Variants in SBDS observed in about 807,000 individuals in gnomAD.
SBDS encodes the protein ribosome maturation protein SBDS.
In SBDS, 20 loss-of-function variants were observed where a neutral mutation model predicts 26.4. The observed-to-expected ratio is 0.76, with a 90% CI of 0.53 to 1.10. The LOEUF (loss-of-function observed/expected upper bound fraction) is 1.10. Ranked by LOEUF, SBDS falls within the 50% of genes least tolerant of loss-of-function variation. The pLI is 0.00. For missense variants in SBDS, 241 were observed against 302.0 expected (o/e 0.80, Z 1.50); for synonymous variants, 95 against 105.1 (o/e 0.90, Z 0.59).
chr7:66,990,918 G>A, intron 4 of SBDS: 1 of 414,706 alleles, frequency 2.4e-6, no homozygotes, highest in Non-Finnish European at 4.4e-6. Context: ...ACAGGAGGCT[G>A]AGGCAGGAGA....
intron 4 of SBDS, among the ~76,000 whole-genome samples, chr7:66,990,862 G>A (rs1584435308): frequency 6.6e-6 from 1 of 151,686 alleles, no homozygotes; most frequent in Non-Finnish European, 1.5e-5. Flanking sequence ...TAAAAAATAC[G>A]AAAAATTAGC....
intron 1 of SBDS, among the ~76,000 whole-genome samples, chr7:66,994,733 T>C (rs1201131739): frequency 6.6e-6 from 1 of 152,202 alleles, no homozygotes; most frequent in Non-Finnish European, 1.5e-5. Flanking sequence ...TCAAGTGAAC[T>C]GCCCGCATCG....
chr7:66,989,419 C>T (rs1792930659), intron 4 of SBDS, among the ~76,000 whole-genome samples: 1 of 151,902 alleles, frequency 6.6e-6, no homozygotes, highest in Admixed American at 6.6e-5. Flanking sequence ...GTGGCACATG[C>T]CTGTAATCCC....
chr7:66,993,501 C>A, intron 2 of SBDS, 84 bp from the exon 3 acceptor site: 4 of 1,072,808 alleles, frequency 3.7e-6, no homozygotes, highest in Non-Finnish European at 4.3e-6. Context: ...AAATGAGTAA[C>A]TGGATGGAGA....
At chr7:66,994,753 A>C (rs1793061278) in intron 1 of SBDS, among the ~76,000 whole-genome samples, 1 of 152,220 alleles carries the variant, frequency 6.6e-6, no homozygotes, top group Non-Finnish European at 1.5e-5. Context: ...GGCCTGAGGG[A>C]ACATTTTCAA....
rs779643367 is a variant in SBDS at position 66,993,332 on chromosome 7, A to G, written c.344T>C (p.Val115Ala). ...EQMFRDIATI[V>A]ADKCVNPETK... ...TTCAGGATTCACACATTTGTCTGCC[A>G]CAATAGTTGCAATGTCCCTAAACAT... is the stretch of plus-strand genomic sequence containing the variant. The change falls in exon 3 of 5, where the codon GTG (valine) becomes GCG (alanine). Residue 115 changes from valine (V) to alanine (A), a missense_variant. By Grantham distance (64) the Val-to-Ala change is moderately conservative. Transcript: ENST00000246868. The G allele has an allele frequency of 6.2e-7, 1 of 1,614,138 alleles. No individual in the cohort carries two copies. Among genetic ancestry groups the G allele is most frequent in the South Asian group, 1.1e-5 (1 of 91,086 alleles).
Position 66,991,163 on chromosome 7 carries a change from C to T in SBDS, c.598G>A (p.Glu200Lys), listed in dbSNP as rs750502064. The T allele has an allele frequency of 6.2e-7, 1 of 1,613,696 alleles. No individual in the cohort carries two copies. The change falls in exon 4 of 5, where the codon GAA becomes AAA. Residue 200 changes from glutamate to lysine, a missense_variant. By Grantham distance (56) the Glu-to-Lys change is moderately conservative (BLOSUM62 1). Coordinates refer to ENST00000246868, the MANE Select transcript of SBDS (RefSeq NM_016038.4). ...LKPLIKVIESEDYGQQLEIVC... is the reference protein window; with the variant it reads ...LKPLIKVIESKDYGQQLEIVC... ...ATTTCTAACTGTTGGCCATAATCTT[C>T]ACTTTCTATGACCTTGATCAGTGGC...
chr7:66,989,948 G>T (rs2023215656), intron 4 of SBDS, among the ~76,000 whole-genome samples: 2 of 151,814 alleles, frequency 1.3e-5, no homozygotes, highest in African/African-American at 4.8e-5. Flanking sequence ...CGACTATCCT[G>T]CATACAACTC....
At chr7:66,992,659 C>G (rs1308116204) in intron 3 of SBDS, among the ~76,000 whole-genome samples, 1 of 151,790 alleles carries the variant, frequency 6.6e-6, no homozygotes, top group Non-Finnish European at 1.5e-5. Context: ...TTCCCCAAAC[C>G]TCTACCCACT....
chr7:66,993,744 GGCA>G, intron 2 of SBDS, among the ~76,000 whole-genome samples: 2 of 151,680 alleles, frequency 1.3e-5, no homozygotes, highest in Non-Finnish European at 2.9e-5. Flanking sequence ...CAGGGTGGTG[GGCA>G]CCTGTAATCC....
chr7:66,995,494 C>T lies in SBDS; in HGVS notation c.-77G>A. On this transcript the variant is annotated 5_prime_UTR_variant, in exon 1 of 5. Transcript: ENST00000246868. ...TCCAGCCTGAAGGCCACCAGCGCCT[C>T]GCGGTAACGACCGATCGGCGCGCGG... 1.2e-6 allele frequency: 2 copies of T among 1,606,570 alleles called. No individual in the cohort carries two copies. The highest frequency in any genetic ancestry group is 1.7e-6 in the Non-Finnish European group (2 of 1,175,802).
Position 66,988,418 on chromosome 7 carries a change from C to A in SBDS, c.706G>T (p.Val236Leu). Residue 236 changes from valine to leucine, a missense_variant, in exon 5 of 5, where the codon GTA becomes TTA. Coordinates refer to ENST00000246868, the MANE Select transcript of SBDS (RefSeq NM_016038.4). ...KETKGKGSLE[V>L]LNLKDVEEGD... ...TCTTCTACATCTTTCAGATTGAGTA[C>A]TTCCAAAGAACCTTTGCCTTTAGTT... 2 of 1,613,858 alleles carry A rather than the reference C, an allele frequency of 1.2e-6. No individual in the cohort carries two copies. The highest frequency in any genetic ancestry group is 1.7e-6 in the Non-Finnish European group (2 of 1,179,982).
In SBDS at chr7:66,994,501, A is replaced by AC. The variant is rs1380209169; in HGVS notation, c.129-161dup. 6 of 615,240 alleles carry AC rather than the reference A, an allele frequency of 9.8e-6. No individual in the cohort carries two copies. In the East Asian group the frequency reaches 2.2e-4, roughly 22 times the overall value. The allele number at this position is 615,240 out of a possible 1,614,324, so 38.1% of individuals were successfully genotyped here. The stretch of plus-strand genomic sequence containing the variant: ...GCAGTTTTCTTTTTCTTACCCCCCA[A>AC]CCCCCGCCCCTAGATGGAATTTCAC... On this transcript the variant is annotated intron_variant, in intron 1 of 4. Coordinates refer to ENST00000246868, the MANE Select transcript of SBDS (RefSeq NM_016038.4).
intron 3 of SBDS, among the ~76,000 whole-genome samples, chr7:66,992,748 C>G (rs1042651868): frequency 7.2e-5 from 11 of 152,106 alleles, no homozygotes; most frequent in Admixed American, 7.2e-4. Flanking sequence ...TAGCTGATGC[C>G]TGTAATCCCA....
intron 3 of SBDS, among the ~76,000 whole-genome samples, chr7:66,991,753 G>GA (rs546288160): frequency 1.5e-4 from 23 of 151,510 alleles, no homozygotes; most frequent in African/African-American, 5.5e-4. Context: ...AAGAGGGCGG[G>GA]GGGGGTGGGC....
At chr7:66,992,997 ACT>A (rs1419069904) in intron 3 of SBDS, among the ~76,000 whole-genome samples, 1 of 146,086 alleles carries the variant, frequency 6.8e-6, no homozygotes, top group Non-Finnish European at 1.5e-5. Flanking sequence ...ATAGAGTAAG[ACT>A]CTGTCTCAAA....
chr7:66,990,286 G>A (rs1792948168), intron 4 of SBDS, among the ~76,000 whole-genome samples: 1 of 152,196 alleles, frequency 6.6e-6, no homozygotes, highest in Non-Finnish European at 1.5e-5. Flanking sequence ...CCAAAGTGCT[G>A]GGATTACAGG....
chr7:66,991,361 A>G, intron 3 of SBDS, 60 bp from the exon 4 acceptor site: 1 of 1,328,360 alleles, frequency 7.5e-7, no homozygotes, highest in Non-Finnish European at 1.1e-6. Context: ...AAGGTTTTCA[A>G]AAACAAAGTA....
intron 1 of SBDS, 97 bp downstream of exon 1, chr7:66,995,193 C>G: frequency 6.5e-7 from 1 of 1,550,260 alleles, no homozygotes. Context: ...CGGCCAACAC[C>G]CCAGCCTGGC....
Sources: allele counts gnomAD v4.1 joint callset (sites outside exome capture counted in the v4.1 genomes callset), GRCh38; gene constraint gnomAD v4.1.1; transcripts MANE v1.5; gene names NCBI Gene and HGNC (gene_info 2026-07-23, HGNC 2026-07-21).